KCNIP4: variants seen among roughly 807,000 people sequenced by gnomAD.
KCNIP4 encodes the protein Kv channel-interacting protein 4.
A neutral mutation model predicts 34.0 loss-of-function variants in KCNIP4; 12 were observed. That is an observed-to-expected ratio of 0.35 (90% CI 0.23 to 0.57). The LOEUF is 0.57. Ranked by LOEUF, KCNIP4 falls within the 20% of genes least tolerant of loss-of-function variation. The pLI is 0.83. For synonymous variants in KCNIP4, 124 were observed against 102.2 expected, an observed-to-expected ratio of 1.21 and a Z score of -1.29; for missense variants, 238 against 311.7, an observed-to-expected ratio of 0.76 and a Z score of 1.78.
chr4:21,653,062 C>A (rs1747633611), intron 1 of KCNIP4, among the ~76,000 whole-genome samples: 1 of 152,192 alleles, frequency 6.6e-6, no homozygotes. Context: ...CACCAGACCT[C>A]TCTGGTGATA....
chr4:20,851,639 C>A (rs1003430843), intron 2 of KCNIP4, among the ~76,000 whole-genome samples: 2 of 152,172 alleles, frequency 1.3e-5, no homozygotes, highest in South Asian at 2.1e-4. Context: ...AACTAATTCA[C>A]ACTCCCACCA....
At chr4:21,459,491 G>T (rs1196828063) in intron 1 of KCNIP4, among the ~76,000 whole-genome samples, 1 of 151,908 alleles carries the variant, frequency 6.6e-6, no homozygotes, top group Non-Finnish European at 1.5e-5. Context: ...ACTCTCACTG[G>T]TTTTACCCAG....
intron 1 of KCNIP4, among the ~76,000 whole-genome samples, chr4:21,918,552 G>A (rs1048432565): frequency 6.6e-5 from 10 of 151,926 alleles, no homozygotes; most frequent in Non-Finnish European, 1.0e-4. Flanking sequence ...AACATGGTTG[G>A]TCAAACTGTC....
chr4:21,757,172 AAGGAAGGAAG>A (rs1717650540), intron 1 of KCNIP4, among the ~76,000 whole-genome samples: 2 of 32,230 alleles, frequency 6.2e-5, no homozygotes, highest in South Asian at 8.7e-4. Flanking sequence ...AGAAAGAAGG[AAGGAAGGAAG>A]GAAGGAAGGA....
At chr4:21,575,859 T>A (rs1433128849) in intron 1 of KCNIP4, among the ~76,000 whole-genome samples, 1 of 152,202 alleles carries the variant, frequency 6.6e-6, no homozygotes, top group Non-Finnish European at 1.5e-5. Context: ...AACAGTCACA[T>A]ACAAATCTGC....
chr4:21,377,584 A>C (rs372899378), intron 1 of KCNIP4, among the ~76,000 whole-genome samples: 4 of 152,188 alleles, frequency 2.6e-5, no homozygotes, highest in East Asian at 1.9e-4. Flanking sequence ...AAATAACTCA[A>C]AACTCAAATG....
intron 1 of KCNIP4, among the ~76,000 whole-genome samples, chr4:21,009,227 T>C (rs1199202331): frequency 1.3e-5 from 2 of 152,188 alleles, no homozygotes; most frequent in African/African-American, 2.4e-5. Context: ...TATGAATACA[T>C]AGCATTTGTT....
intron 1 of KCNIP4, among the ~76,000 whole-genome samples, chr4:21,858,339 A>T (rs565687300): frequency 1.3e-5 from 2 of 152,360 alleles, no homozygotes; most frequent in African/African-American, 4.8e-5. Context: ...TGTGAAAGAG[A>T]ACAAAGAAGA....
At chr4:21,027,031 A>C (rs550259686) in intron 1 of KCNIP4, among the ~76,000 whole-genome samples, 1 of 152,206 alleles carries the variant, frequency 6.6e-6, no homozygotes, top group Non-Finnish European at 1.5e-5. Context: ...AATTTTCAAA[A>C]GATTATTCTG....
chr4:20,957,712 T>C (rs1042319743), intron 1 of KCNIP4, among the ~76,000 whole-genome samples: 1 of 152,164 alleles, frequency 6.6e-6, no homozygotes, highest in Non-Finnish European at 1.5e-5. Flanking sequence ...AGGAGAGGCA[T>C]ATGGAAGCCA....
In KCNIP4 at chr4:20,877,346, C is replaced by T. The variant is rs972224699; in HGVS notation, c.163+5262G>A. Among the ~76,000 whole-genome samples, 14 of 152,182 alleles carry T rather than the reference C, an allele frequency of 9.2e-5. 1 individual carries two copies. Among genetic ancestry groups the T allele is most frequent in the Admixed American group, 9.2e-4 (14 of 15,278 alleles). ...CCTTATTGGCTCAATAAACCCTGCG[C>T]ATACCTTTGCAAATTGTCCCTTCAT... On this transcript the variant is annotated intron_variant, in intron 2 of 8. Coordinates refer to ENST00000382152, the MANE Select transcript of KCNIP4 (RefSeq NM_025221.6).
At chr4:21,912,204 G>C (rs555556544) in intron 1 of KCNIP4, among the ~76,000 whole-genome samples, 52 of 152,130 alleles carry the variant, frequency 3.4e-4, no homozygotes, top group Non-Finnish European at 6.3e-4. Flanking sequence ...AGATGATTAT[G>C]ATATTGTCCC....
chr4:20,942,314 A>G (rs892871162), intron 1 of KCNIP4, among the ~76,000 whole-genome samples: 1 of 152,220 alleles, frequency 6.6e-6, no homozygotes, highest in African/African-American at 2.4e-5. Context: ...TCCTCCAGAT[A>G]AAACAGCTAG....
intron 1 of KCNIP4, among the ~76,000 whole-genome samples, chr4:21,041,299 T>C (rs540882953): frequency 6.6e-6 from 1 of 152,118 alleles, no homozygotes; most frequent in South Asian, 2.1e-4. Flanking sequence ...GGCTTCTCTA[T>C]TGGCCTGTGT....
chr4:21,568,456 G>A (rs1409698939), intron 1 of KCNIP4, among the ~76,000 whole-genome samples: 10 of 152,132 alleles, frequency 6.6e-5, no homozygotes, highest in African/African-American at 9.7e-5. Flanking sequence ...ATCTGTAAGG[G>A]TGTTGCCAGA....
chr4:20,801,917 C>T (rs552646358), intron 3 of KCNIP4, among the ~76,000 whole-genome samples: 1 of 151,788 alleles, frequency 6.6e-6, no homozygotes, highest in East Asian at 1.9e-4. Flanking sequence ...AATCCAATTA[C>T]ATGCCGCTTG....
At chr4:21,512,829 T>A (rs923369699) in intron 1 of KCNIP4, among the ~76,000 whole-genome samples, 1 of 152,214 alleles carries the variant, frequency 6.6e-6, no homozygotes, top group Non-Finnish European at 1.5e-5. Context: ...ATTGGCTGAT[T>A]TATATGATAT....
intron 1 of KCNIP4, among the ~76,000 whole-genome samples, chr4:21,170,389 T>C (rs1753933307): frequency 6.6e-6 from 1 of 152,176 alleles, no homozygotes; most frequent in South Asian, 2.1e-4. Context: ...AGCCATTTAG[T>C]GTAAGGCCCC....
At chr4:20,852,970 A>T (rs28884310) in intron 2 of KCNIP4, among the ~76,000 whole-genome samples, 6 of 152,222 alleles carry the variant, frequency 3.9e-5, no homozygotes, top group African/African-American at 1.4e-4. Context: ...GAAAGAAACC[A>T]TAAGTGACAC....
Sources: allele counts gnomAD v4.1 joint callset (sites outside exome capture counted in the v4.1 genomes callset), GRCh38; gene constraint gnomAD v4.1.1; transcripts MANE v1.5; gene names NCBI Gene and HGNC (gene_info 2026-07-23, HGNC 2026-07-21).